The following EYA4 variants were observed in gnomAD, a reference collection of about 807,000 sequenced individuals.
The protein encoded by EYA4 is EYA transcriptional coactivator and phosphatase 4.
Under a neutral mutation model 87.9 loss-of-function variants are expected in EYA4, and 31 were observed. The observed-to-expected ratio is 0.35, with a 90% CI of 0.27 to 0.48. EYA4 has a LOEUF of 0.48. Ranked by LOEUF, EYA4 falls within the 20% of genes least tolerant of loss-of-function variation. EYA4 has a pLI of 0.99. For missense variants in EYA4, 678 were observed against 761.4 expected (o/e 0.89, Z 1.29); for synonymous variants, 263 against 270.6 (o/e 0.97, Z 0.28).
chr6:133,307,043 T>C (rs1319555016), intron 2 of EYA4, among the ~76,000 whole-genome samples: 1 of 152,210 alleles, frequency 6.6e-6, no homozygotes, highest in East Asian at 1.9e-4. Context: ...TCATGTACTA[T>C]ATAAACCCAC....
At chr6:133,376,238 T>C (rs1410532205) in intron 2 of EYA4, among the ~76,000 whole-genome samples, 1 of 151,850 alleles carries the variant, frequency 6.6e-6, no homozygotes, top group African/African-American at 2.4e-5. Flanking sequence ...CTCATTTACA[T>C]TATATTTTAT....
intron 2 of EYA4, among the ~76,000 whole-genome samples, chr6:133,352,628 C>A (rs1783725736): frequency 1.3e-5 from 2 of 151,998 alleles, no homozygotes; most frequent in South Asian, 4.1e-4. Flanking sequence ...ATTTATTTGA[C>A]ACTATTTCAT....
chr6:133,467,763 T>A (rs1395869584), intron 10 of EYA4, among the ~76,000 whole-genome samples: 1 of 152,014 alleles, frequency 6.6e-6, no homozygotes, highest in Non-Finnish European at 1.5e-5. Flanking sequence ...TCATCACTGA[T>A]AACATTTTGG....
At position 133,532,064 on chromosome 6, in the gene EYA4, A is replaced by G. The variant is rs1801040561; in HGVS notation, c.*3259A>G. The G allele has an allele frequency of 6.6e-6, 1 of 152,218 alleles. No homozygotes were observed. Among genetic ancestry groups the G allele is most frequent in the Admixed American group, 6.5e-5 (1 of 15,284 alleles). The allele number at this position is 152,218 out of a possible 1,614,324, so 9.4% of individuals were successfully genotyped here. On this transcript the variant is annotated 3_prime_UTR_variant, in exon 20 of 20. Coordinates refer to ENST00000355286, the MANE Select transcript of EYA4 (RefSeq NM_004100.5). Reference sequence around the variant, plus strand: ...ATTAATATTAAAAGCTTGTAAAAATATGTATATCTTTACTATTTCTCAATA... The same window carrying G: ...ATTAATATTAAAAGCTTGTAAAAATGTGTATATCTTTACTATTTCTCAATA...
chr6:133,357,225 C>T (rs1057422534), intron 2 of EYA4, among the ~76,000 whole-genome samples: 3 of 142,714 alleles, frequency 2.1e-5, no homozygotes, highest in African/African-American at 7.9e-5. Flanking sequence ...GAGCCGAGAT[C>T]CCGCCACTGC....
chr6:133,363,718 G>A lies in EYA4; in HGVS notation c.34-18674G>A, dbSNP rs1245197361. On this transcript the variant is annotated intron_variant, in intron 2 of 19. Coordinates refer to ENST00000355286, the MANE Select transcript of EYA4 (RefSeq NM_004100.5). The stretch of plus-strand genomic sequence containing the variant: ...TCTGGATCTTCTGACCTCATGATCC[G>A]CCCGCCTTGGCCTCCCAAAGTGCTG... Among the ~76,000 whole-genome samples, 21 of 152,036 alleles carry A rather than the reference G, an allele frequency of 1.4e-4. 1 individual carries two copies. Among genetic ancestry groups the A allele is most frequent in the Middle Eastern group, 6.8e-3 (2 of 294 alleles).
chr6:133,364,045 T>TG (rs1308789658), intron 2 of EYA4, among the ~76,000 whole-genome samples: 7 of 152,126 alleles, frequency 4.6e-5, no homozygotes, highest in Non-Finnish European at 1.0e-4. Flanking sequence ...TGGTATCCAG[T>TG]GGGTTATGTT....
chr6:133,407,258 T>G (rs892816466), intron 3 of EYA4, among the ~76,000 whole-genome samples: 4 of 151,824 alleles, frequency 2.6e-5, no homozygotes, highest in African/African-American at 4.8e-5. Context: ...AGGGTTTTTT[T>G]TTTTTTTTTT....
At chr6:133,383,545 A>AAAAAAT (rs1312860441) in intron 3 of EYA4, among the ~76,000 whole-genome samples, 1 of 149,504 alleles carries the variant, frequency 6.7e-6, no homozygotes, top group African/African-American at 2.5e-5. Flanking sequence ...AAAAAAAAAA[A>AAAAAAT]TGTAATGGCC....
intron 3 of EYA4, among the ~76,000 whole-genome samples, chr6:133,422,739 A>G (rs1039687885): frequency 1.3e-5 from 2 of 152,238 alleles, no homozygotes; most frequent in Admixed American, 1.3e-4. Flanking sequence ...GATTTCAATA[A>G]AAATTAATAA....
intron 16 of EYA4, 131 bp from the exon 17 acceptor site, chr6:133,515,190 A>G (rs1799484030): frequency 1.4e-6 from 1 of 708,654 alleles, no homozygotes; most frequent in Admixed American, 2.0e-5. Flanking sequence ...ATGGACATAA[A>G]TCTGTATCTC....
intron 13 of EYA4, among the ~76,000 whole-genome samples, chr6:133,492,328 A>G (rs149006707): frequency 1.4e-3 from 207 of 152,350 alleles, no homozygotes; most frequent in African/African-American, 4.8e-3. Context: ...TCAACGTGAT[A>G]CATCATACCA....
At chr6:133,427,118 C>T (rs1790745284) in intron 3 of EYA4, among the ~76,000 whole-genome samples, 1 of 152,168 alleles carries the variant, frequency 6.6e-6, no homozygotes, top group Admixed American at 6.5e-5. Flanking sequence ...TTAACAGTTG[C>T]ATGGTGCTGG....
intron 17 of EYA4, among the ~76,000 whole-genome samples, chr6:133,521,431 G>A (rs1161990873): frequency 1.4e-5 from 2 of 140,076 alleles, no homozygotes; most frequent in Non-Finnish European, 3.1e-5. Context: ...TCTCACACCA[G>A]TTAGAATGGC....
chr6:133,428,430 A>C (rs982184562), intron 3 of EYA4, among the ~76,000 whole-genome samples: 2 of 152,184 alleles, frequency 1.3e-5, no homozygotes, highest in Non-Finnish European at 2.9e-5. Context: ...AGAAACCAGG[A>C]AAGAGTAGTT....
intron 1 of EYA4, among the ~76,000 whole-genome samples, chr6:133,242,649 C>T (rs983606991): frequency 2.0e-5 from 3 of 152,124 alleles, no homozygotes; most frequent in Admixed American, 6.5e-5. Context: ...CCCGAACTTT[C>T]GTTTGGTAGC....
At chr6:133,506,955 A>G (rs767417369) in intron 14 of EYA4, among the ~76,000 whole-genome samples, 5 of 152,200 alleles carry the variant, frequency 3.3e-5, no homozygotes, top group African/African-American at 4.8e-5. Context: ...AGTACTTCTC[A>G]GTCAAGCATA....
In EYA4 at chr6:133,525,066, C is replaced by G. The variant is rs372021082; in HGVS notation, c.1739-88C>G. On this transcript the variant is annotated intron_variant, in intron 18 of 19. Transcript: ENST00000355286. ...GTGTCCAGATTTGGCACTAACATAA[C>G]TTATGTTGTGATTGGAGATGGCCGA... The G allele has an allele frequency of 6.2e-6, 10 of 1,613,526 alleles. No homozygotes were observed. The African/African-American group carries it at 1.2e-4, about 19-fold the overall frequency.
intron 13 of EYA4, among the ~76,000 whole-genome samples, chr6:133,497,039 G>A (rs564721833): frequency 9.9e-5 from 15 of 152,264 alleles, no homozygotes; most frequent in South Asian, 2.1e-4. Context: ...GCAATACTGA[G>A]TATCATTTTT....
Sources: gnomAD v4.1 joint callset for allele counts (sites outside exome capture counted in the v4.1 genomes callset) on GRCh38, gnomAD v4.1.1 for gene constraint, MANE v1.5 for transcripts, NCBI Gene and HGNC (gene_info 2026-07-23, HGNC 2026-07-21) for gene names.